Variants in BLOC1S6 observed in about 807,000 individuals in gnomAD.
The protein encoded by BLOC1S6 is biogenesis of lysosomal organelles complex 1 subunit 6.
BLOC1S6 carries 24 observed loss-of-function variants against 24.7 expected under a neutral mutation model. That is an observed-to-expected ratio of 0.97 (90% CI 0.70 to 1.37). BLOC1S6 has a LOEUF of 1.37. Among genes scored for constraint, BLOC1S6 ranks in the 40% most tolerant of loss-of-function variants. The pLI is 0.00. For missense variants in BLOC1S6, 175 were observed against 196.2 expected (o/e 0.89, Z 0.64); for synonymous variants, 76 against 72.6 (o/e 1.05, Z -0.23).
In BLOC1S6 at chr15:45,606,892, C is replaced by G. The variant is rs1368806658; in HGVS notation, c.*378C>G. 9.5e-6 allele frequency: 2 copies of G among 211,360 alleles called. No individual in the cohort carries two copies. Among genetic ancestry groups the G allele is most frequent in the Non-Finnish European group, 1.9e-5 (2 of 105,706 alleles). 13.1% of individuals were successfully genotyped at this position (211,360 alleles called of 1,614,324 possible). On this transcript the variant is annotated 3_prime_UTR_variant, in exon 5 of 5. Transcript: ENST00000220531. Reference sequence around the variant, plus strand: ...GTTCTTATTTTATGAAATGACTTGCCTTTCTGGTAATACAATGCTGATTTT... The same window carrying G: ...GTTCTTATTTTATGAAATGACTTGCGTTTCTGGTAATACAATGCTGATTTT...
At chr15:45,600,331 TA>T (rs201154291) in intron 2 of BLOC1S6, among the ~76,000 whole-genome samples, 5,704 of 144,630 alleles carry the variant, frequency 0.039, 316 homozygotes, top group African/African-American at 0.12. Context: ...TAAAGTATAA[TA>T]AAAAAAAAAA....
chr15:45,602,994 C>T, intron 2 of BLOC1S6, 106 bp from the exon 3 acceptor site: 1 of 743,348 alleles, frequency 1.3e-6, no homozygotes, highest in Non-Finnish European at 2.4e-6. Flanking sequence ...TAATACATTT[C>T]CTACTTAACT....
chr15:45,602,115 T>G (rs991057379), intron 2 of BLOC1S6, among the ~76,000 whole-genome samples: 9 of 151,962 alleles, frequency 5.9e-5, no homozygotes, highest in African/African-American at 1.9e-4. Context: ...ACGCTGGTCT[T>G]GAATTCCTGG....
intron 2 of BLOC1S6, chr15:45,602,221 G>C: frequency 2.1e-6 from 1 of 484,854 alleles, no homozygotes; most frequent in Non-Finnish European, 3.7e-6. Context: ...GACCTGTAGG[G>C]TATGCCAGAC....
At chr15:45,590,191 C>A (rs144773256) in intron 1 of BLOC1S6, among the ~76,000 whole-genome samples, 14,351 of 151,654 alleles carry the variant, frequency 0.095, 2,318 homozygotes, top group African/African-American at 0.33. Flanking sequence ...CTCTCTCTCT[C>A]TCTATATTTT....
intron 3 of BLOC1S6, 37 bp downstream of exon 3, chr15:45,603,224 TTGTCTTAGCAATAGCTAAGAC>T: frequency 7.2e-7 from 1 of 1,386,906 alleles, no homozygotes; most frequent in Non-Finnish European, 1.0e-6. Flanking sequence ...TAATGACATC[TTGTCTTAGCAATAGCTAAGAC>T]TTAGCTAAGC....
chr15:45,601,849 C>T (rs190792480), intron 2 of BLOC1S6, among the ~76,000 whole-genome samples: 3 of 151,916 alleles, frequency 2.0e-5, no homozygotes, highest in East Asian at 3.9e-4. Context: ...GATCTCTAGT[C>T]CAAGCTGGAG....
intron 2 of BLOC1S6, among the ~76,000 whole-genome samples, chr15:45,595,066 C>A (rs1465332006): frequency 6.6e-6 from 1 of 152,034 alleles, no homozygotes; most frequent in Admixed American, 6.6e-5. Flanking sequence ...TGAGAGGAAA[C>A]CCCCGCTGCC....
chr15:45,604,586 G>A (rs571707303), intron 3 of BLOC1S6, among the ~76,000 whole-genome samples: 1 of 152,298 alleles, frequency 6.6e-6, no homozygotes, highest in Non-Finnish European at 1.5e-5. Context: ...TTAGTCAAGA[G>A]TAGTTTTTAT....
intron 1 of BLOC1S6, among the ~76,000 whole-genome samples, chr15:45,591,469 G>A (rs539043668): frequency 1.0e-3 from 155 of 151,920 alleles, no homozygotes; most frequent in Admixed American, 1.7e-3. Flanking sequence ...GTCTCGCTCC[G>A]CTGCCCAGGC....
chr15:45,596,036 G>C (rs1424339661), intron 2 of BLOC1S6, among the ~76,000 whole-genome samples: 1 of 152,178 alleles, frequency 6.6e-6, no homozygotes, highest in Non-Finnish European at 1.5e-5. Context: ...TCAGACCTCA[G>C]GTGATCCGCC....
At chr15:45,603,620 G>A (rs1894344193) in intron 3 of BLOC1S6, among the ~76,000 whole-genome samples, 1 of 152,144 alleles carries the variant, frequency 6.6e-6, no homozygotes, top group Non-Finnish European at 1.5e-5. Flanking sequence ...AAACTGAGGT[G>A]GAAGGATTGC....
intron 1 of BLOC1S6, 183 bp from the exon 2 acceptor site, chr15:45,591,952 C>T (rs1893901798): frequency 3.0e-6 from 2 of 662,130 alleles, no homozygotes; most frequent in Non-Finnish European, 5.0e-6. Flanking sequence ...CCCCAACCTC[C>T]TTTTATTAGC....
At chr15:45,602,423 T>C (rs1894303702) in intron 2 of BLOC1S6, 2 of 628,260 alleles carry the variant, frequency 3.2e-6, no homozygotes, top group South Asian at 1.8e-5. Context: ...CTAACATTGA[T>C]TGATGTGTAA....
In BLOC1S6 at chr15:45,587,541, T is replaced by G; in HGVS notation, c.82+16T>G. ...CCGACGCCTGGTACGTACTATCGGG[T>G]GGGAAGCGCGGCCCGGGCTGGGTGT... On this transcript the variant is annotated intron_variant, in intron 1 of 4. Transcript: ENST00000220531. 4.5e-6 allele frequency: 7 copies of G among 1,561,144 alleles called. No homozygotes were observed. In the East Asian group the frequency reaches 1.7e-4, roughly 37 times the overall value.
intron 4 of BLOC1S6, chr15:45,605,809 C>CA (rs1199204574): frequency 8.7e-6 from 3 of 343,382 alleles, no homozygotes; most frequent in Non-Finnish European, 1.7e-5. Flanking sequence ...AGGCTGGTCT[C>CA]AAACTCCTGA....
In BLOC1S6 at chr15:45,609,065, A is replaced by G. The variant is rs1894584690; in HGVS notation, c.*2551A>G. The G allele has an allele frequency of 1.3e-5, 2 of 152,220 alleles. No homozygotes were observed. The highest frequency in any genetic ancestry group is 4.1e-4 in the South Asian group (2 of 4,836). The allele number at this position is 152,220 out of a possible 1,614,324, so 9.4% of individuals were successfully genotyped here. The stretch of plus-strand genomic sequence containing the variant: ...AGATTTAAAAAAAATGTGAAAATAA[A>G]TATATATTAGTATCCTTTATTTTAA... On this transcript the variant is annotated 3_prime_UTR_variant, in exon 5 of 5. Transcript: ENST00000220531.
At position 45,587,512 on chromosome 15, in the gene BLOC1S6, G is replaced by C; in HGVS notation, c.69G>C (p.Gly23=). The C allele has an allele frequency of 6.3e-7, 1 of 1,576,012 alleles. No individual in the cohort carries two copies. The highest frequency in any genetic ancestry group is 2.3e-5 in the East Asian group (1 of 42,736). The change falls in exon 1 of 5, where the codon GGG becomes GGC. Residue 23 remains glycine, a synonymous_variant. Coordinates refer to ENST00000220531, the MANE Select transcript of BLOC1S6 (RefSeq NM_012388.4). ...GGCCACCCTACTGCCTGGAGGCCGG[G>C]GAGCCGACGCCTGGTACGTACTATC... is the stretch of plus-strand genomic sequence containing the variant. ...LTRPPYCLEA[G]EPTPGLSDTS...
At chr15:45,594,941 T>C (rs889280719) in intron 2 of BLOC1S6, among the ~76,000 whole-genome samples, 1 of 152,128 alleles carries the variant, frequency 6.6e-6, no homozygotes, top group Admixed American at 6.6e-5. Flanking sequence ...GAAAGCACTG[T>C]ACTTAAAATT....
Sources: gnomAD v4.1 joint callset for allele counts (sites outside exome capture counted in the v4.1 genomes callset) on GRCh38, gnomAD v4.1.1 for gene constraint, MANE v1.5 for transcripts, NCBI Gene and HGNC (gene_info 2026-07-23, HGNC 2026-07-21) for gene names.